TMPRSS9: variants seen among roughly 807,000 people sequenced by gnomAD.
The protein encoded by TMPRSS9 is transmembrane protease serine 9.
In TMPRSS9, 113 loss-of-function variants were observed where a neutral mutation model predicts 111.4. The observed-to-expected ratio is 1.01, with a 90% confidence interval of 0.87 to 1.19. TMPRSS9 has a LOEUF of 1.19. TMPRSS9 is among the 50% of genes most tolerant of loss of function. The pLI is 0.00. For synonymous variants in TMPRSS9, 805 were observed against 659.1 expected (o/e 1.22, Z -3.39); for missense variants, 1,803 against 1,513.1 (o/e 1.19, Z -3.18).
Position 2,393,076 on chromosome 19 carries a change from G to A in TMPRSS9, c.142+3149G>A, listed in dbSNP as rs1970632571. On this transcript the variant is annotated intron_variant, in intron 1 of 17. Transcript: ENST00000648592. ...TGTAAAATGGACCAATCAGCGCTCT[G>A]TAAAATGGGCCAATCAGGAGGATGT... Among the ~76,000 whole-genome samples the A allele has an allele frequency of 5.3e-5, 8 of 152,150 alleles. No homozygotes were observed. The South Asian group carries it at 1.7e-3, about 32-fold the overall frequency.
In TMPRSS9 at chr19:2,401,954, A is replaced by G. The variant is rs149610266; in HGVS notation, c.515-21A>G. ...TTTACCGCTTATTCAGTGAGCTTCT[A>G]TCTTCTCTGTTTTGTTGCAGGGAGA... is the stretch of plus-strand genomic sequence containing the variant. On this transcript the variant is annotated intron_variant, in intron 4 of 17. Transcript: ENST00000648592. 1,443 of 1,605,366 alleles carry G rather than the reference A, an allele frequency of 9.0e-4. 15 individuals are homozygous for G. The African/African-American group carries it at 0.016, about 18-fold the overall frequency.
At chr19:2,411,989 G>A (rs1231277608) in intron 9 of TMPRSS9, among the ~76,000 whole-genome samples, 1 of 152,062 alleles carries the variant, frequency 6.6e-6, no homozygotes, top group Non-Finnish European at 1.5e-5. Context: ...AATCCGTTAT[G>A]TTTCTTCTAT....
chr19:2,376,190 GC>G (rs1010180802), intron 1 of TMPRSS9, among the ~76,000 whole-genome samples: 4 of 152,174 alleles, frequency 2.6e-5, no homozygotes, highest in East Asian at 3.9e-4. Flanking sequence ...CTTGCTCGGG[GC>G]CCCTTCCTCT....
intron 4 of TMPRSS9, among the ~76,000 whole-genome samples, chr19:2,400,577 A>G (rs1351600692): frequency 1.3e-5 from 2 of 151,984 alleles, no homozygotes; most frequent in Non-Finnish European, 2.9e-5. Flanking sequence ...ATAAAATTAT[A>G]CAGTGCATGA....
chr19:2,387,773 G>A (rs1970508391), upstream of TMPRSS9, among the ~76,000 whole-genome samples: 7 of 152,172 alleles, frequency 4.6e-5, 1 homozygote, highest in South Asian at 1.5e-3. Context: ...AAAATCAGGG[G>A]TGGGGTGTGA....
chr19:2,421,916 C>T (rs780210816), exon 14 of TMPRSS9: 27 of 1,612,894 alleles, frequency 1.7e-5, no homozygotes, highest in Non-Finnish European at 2.0e-5. Flanking sequence ...TGGCAGGGAT[C>T]GTGAGCTGGG....
intron 1 of TMPRSS9, among the ~76,000 whole-genome samples, chr19:2,380,173 A>G (rs1970375433): frequency 1.3e-5 from 2 of 152,050 alleles, no homozygotes; most frequent in African/African-American, 2.4e-5. Context: ...TCATGCAGAG[A>G]GTCATGAGAC....
At chr19:2,363,979 GC>G (rs1468227071) in intron 1 of TMPRSS9, among the ~76,000 whole-genome samples, 10 of 151,940 alleles carry the variant, frequency 6.6e-5, no homozygotes, top group African/African-American at 2.2e-4. Flanking sequence ...ACTCTCATAA[GC>G]CTATGAGCCC....
At chr19:2,380,664 A>G (rs960318931) in intron 1 of TMPRSS9, among the ~76,000 whole-genome samples, 1 of 151,926 alleles carries the variant, frequency 6.6e-6, no homozygotes, top group Non-Finnish European at 1.5e-5. Context: ...CAGCCCAGCT[A>G]ACACCTGGAT....
At chr19:2,420,461 T>G (rs936875688) in intron 13 of TMPRSS9, among the ~76,000 whole-genome samples, 2 of 125,998 alleles carry the variant, frequency 1.6e-5, no homozygotes, top group Non-Finnish European at 3.5e-5. Context: ...AAAAAAAAAA[T>G]GGCATCAGAT....
At chr19:2,372,339 C>T (rs886744119) in intron 1 of TMPRSS9, among the ~76,000 whole-genome samples, 2 of 139,208 alleles carry the variant, frequency 1.4e-5, no homozygotes, top group South Asian at 2.2e-4. Flanking sequence ...CTCTCAAACC[C>T]GGCCAGTAAC....
upstream of TMPRSS9, among the ~76,000 whole-genome samples, chr19:2,389,177 G>A (rs1246429373): frequency 2.7e-5 from 4 of 149,904 alleles, no homozygotes; most frequent in Non-Finnish European, 5.9e-5. Context: ...GGGTTCAAGC[G>A]ATTCTCCTGC....
chr19:2,379,677 C>CTTTCTTTTTCTT (rs1240073481), intron 1 of TMPRSS9, among the ~76,000 whole-genome samples: 2 of 131,754 alleles, frequency 1.5e-5, no homozygotes, highest in African/African-American at 5.9e-5. Context: ...TTCTTTCTTT[C>CTTTCTTTTTCTT]TCTTTTTCTT....
intron 1 of TMPRSS9, among the ~76,000 whole-genome samples, chr19:2,378,776 C>G (rs1175294262): frequency 6.6e-6 from 1 of 152,126 alleles, no homozygotes; most frequent in Non-Finnish European, 1.5e-5. Flanking sequence ...TTAATTGACT[C>G]ACAGTTCAGC....
exon 16 of TMPRSS9, chr19:2,425,151 C>G: frequency 1.9e-6 from 3 of 1,574,728 alleles, no homozygotes; most frequent in Middle Eastern, 1.7e-4. Context: ...CTGGAGCTGG[C>G]GGGGCCGGTG....
At chr19:2,406,671 G>A (rs1970976567) in intron 7 of TMPRSS9, among the ~76,000 whole-genome samples, 1 of 151,604 alleles carries the variant, frequency 6.6e-6, no homozygotes, top group Non-Finnish European at 1.5e-5. Context: ...ATGCCAGTGG[G>A]TGTGAAGTAG....
At position 2,405,575 on chromosome 19, in the gene TMPRSS9, G is replaced by A. The variant is rs745851640; in HGVS notation, c.842+30G>A. The A allele has an allele frequency of 3.7e-5, 55 of 1,493,464 alleles. No individual in the cohort carries two copies. The Admixed American group carries it at 7.8e-4, about 21-fold the overall frequency. 92.5% of individuals were successfully genotyped at this position (1,493,464 alleles called of 1,614,324 possible). A position where few individuals can be genotyped will look rare whatever the true frequency, so the allele number is the denominator to read the frequency against. ...GCCCCCATCCCAAAGCACCAAACCCGAACCCTCTGTATTTCTCCTGCCTTC... is the reference window on the plus strand; with the variant it reads ...GCCCCCATCCCAAAGCACCAAACCCAAACCCTCTGTATTTCTCCTGCCTTC... On this transcript the variant is annotated intron_variant, in intron 7 of 17. Transcript: ENST00000648592.
chr19:2,377,418 A>T (rs1970345466), intron 1 of TMPRSS9, among the ~76,000 whole-genome samples: 1 of 138,948 alleles, frequency 7.2e-6, no homozygotes, highest in Non-Finnish European at 1.5e-5. Context: ...TACAGGCATG[A>T]GCCACCACAC....
chr19:2,374,406 C>CTACTAAAAATACTGTCTG (rs563757883), intron 1 of TMPRSS9, among the ~76,000 whole-genome samples: 14,975 of 151,070 alleles, frequency 0.099, 1,210 homozygotes, highest in East Asian at 0.26. Flanking sequence ...AACCCCGTCT[C>CTACTAAAAATACTGTCTG]TACTAAAAAA....
Sources: gnomAD v4.1 joint callset for allele counts (sites outside exome capture counted in the v4.1 genomes callset) on GRCh38, gnomAD v4.1.1 for gene constraint, MANE v1.5 for transcripts, NCBI Gene and HGNC (gene_info 2026-07-23, HGNC 2026-07-21) for gene names.